The following NIM1K variants were observed in gnomAD, a reference collection of about 807,000 sequenced individuals.
The protein encoded by NIM1K is serine/threonine-protein kinase NIM1.
NIM1K carries 35 observed loss-of-function variants against 37.1 expected under a neutral mutation model. The observed-to-expected ratio is 0.94, with a 90% CI of 0.72 to 1.25. The LOEUF (loss-of-function observed/expected upper bound fraction) is 1.25, where lower values mean the gene tolerates loss of function less well. NIM1K is among the 50% of genes most tolerant of loss of function. The probability of loss-of-function intolerance (pLI) is 0.00; values close to 1 mark genes in which losing one functional copy is unlikely to be tolerated. For missense variants in NIM1K, 564 were observed against 548.0 expected, an observed-to-expected ratio of 1.03 and a Z score of -0.29; for synonymous variants, 234 against 206.6, an observed-to-expected ratio of 1.13 and a Z score of -1.14.
intron 1 of NIM1K, among the ~76,000 whole-genome samples, chr5:43,217,718 T>A (rs1257497297): frequency 6.8e-6 from 1 of 146,994 alleles, no homozygotes; most frequent in Non-Finnish European, 1.5e-5. Context: ...ATTTTTTTTT[T>A]TTTTTTTTTT....
chr5:43,240,044 A>C (rs1480272997), intron 1 of NIM1K, among the ~76,000 whole-genome samples: 1 of 151,968 alleles, frequency 6.6e-6, no homozygotes, highest in African/African-American at 2.4e-5. Context: ...CAACACATTA[A>C]ATATTTTTAA....
At chr5:43,220,786 A>T (rs200313989) in intron 1 of NIM1K, among the ~76,000 whole-genome samples, 1 of 152,224 alleles carries the variant, frequency 6.6e-6, no homozygotes, top group East Asian at 1.9e-4. Context: ...TGTGTATTAC[A>T]TCTGTATATG....
chr5:43,249,477 T>A (rs1003252337), intron 2 of NIM1K, among the ~76,000 whole-genome samples: 2 of 152,216 alleles, frequency 1.3e-5, no homozygotes, highest in Non-Finnish European at 2.9e-5. Context: ...TTCAGTCAAT[T>A]TGACACATAA....
rs780509670 is a variant in NIM1K, at chr5:43,280,515, T to G, written c.1097T>G (p.Ile366Ser). 1 of 1,614,180 alleles carries G rather than the reference T, an allele frequency of 6.2e-7. No homozygotes were observed. Among genetic ancestry groups the G allele is most frequent in the Non-Finnish European group, 8.5e-7 (1 of 1,180,030 alleles). The change falls in exon 4 of 4, where the codon ATT (isoleucine) becomes AGT (serine). Residue 366 changes from isoleucine (I) to serine (S), a missense_variant. Coordinates refer to ENST00000326035, the MANE Select transcript of NIM1K (RefSeq NM_153361.4). The stretch of plus-strand genomic sequence containing the variant: ...AAAAGCACTTTAGAACATTTGGGCA[T>G]TACAGAAGAGCATATTCGAAATAAC... ...EVKSTLEHLG[I>S]TEEHIRNNQG...
At position 43,280,799 on chromosome 5, in the gene NIM1K, T is replaced by C; in HGVS notation, c.*70T>C. 1 of 1,375,552 alleles carries C rather than the reference T, an allele frequency of 7.3e-7. No homozygotes were observed. Among genetic ancestry groups the C allele is most frequent in the South Asian group, 1.7e-5 (1 of 59,000 alleles). 85.2% of individuals were successfully genotyped at this position (1,375,552 alleles called of 1,614,324 possible). On this transcript the variant is annotated 3_prime_UTR_variant, in exon 4 of 4. Transcript: ENST00000326035. ...TTCTAAATTTTTTTCAAGGACAACT[T>C]GAGTGGAGACATTTTTGTAATTTTT... is the stretch of plus-strand genomic sequence containing the variant.
intron 1 of NIM1K, chr5:43,232,278 C>T: frequency 6.2e-6 from 7 of 1,126,870 alleles, no homozygotes; most frequent in Non-Finnish European, 9.4e-6. Context: ...ATCTGGTTGG[C>T]AGGCTGAAAG....
At chr5:43,260,689 C>T (rs1174301560) in intron 2 of NIM1K, among the ~76,000 whole-genome samples, 2 of 151,852 alleles carry the variant, frequency 1.3e-5, no homozygotes, top group African/African-American at 4.8e-5. Context: ...TATACATGTG[C>T]CATATTGGTG....
In NIM1K at chr5:43,245,679, C is replaced by A; in HGVS notation, c.-97C>A. On this transcript the variant is annotated 5_prime_UTR_variant, in exon 2 of 4. The change creates a new upstream start codon in the 5' untranslated region. Transcript: ENST00000326035. The stretch of plus-strand genomic sequence containing the variant: ...GAAAACTCTTTTGAACCCTGGGCAC[C>A]TGCTGTCCTCAGTTGGCATCTCCCA... 8.3e-7 allele frequency: 1 copy of A among 1,207,692 alleles called. No homozygotes were observed. The highest frequency in any genetic ancestry group is 1.2e-6 in the Non-Finnish European group (1 of 865,982). 74.8% of individuals were successfully genotyped at this position (1,207,692 alleles called of 1,614,324 possible). A position where few individuals can be genotyped will look rare whatever the true frequency, so the allele number is the denominator to read the frequency against.
chr5:43,227,233 G>A (rs566267642), intron 1 of NIM1K, among the ~76,000 whole-genome samples: 1 of 152,196 alleles, frequency 6.6e-6, no homozygotes, highest in East Asian at 1.9e-4. Context: ...GGTGGCGCAT[G>A]CTGGTAATCC....
At chr5:43,278,726 A>T (rs1414254013) in intron 3 of NIM1K, among the ~76,000 whole-genome samples, 1 of 152,246 alleles carries the variant, frequency 6.6e-6, no homozygotes, top group Non-Finnish European at 1.5e-5. Context: ...CAGATAAAAC[A>T]GTCCATGCTA....
At chr5:43,220,004 C>T (rs566560086) in intron 1 of NIM1K, among the ~76,000 whole-genome samples, 3 of 152,302 alleles carry the variant, frequency 2.0e-5, no homozygotes, top group Admixed American at 6.5e-5. Context: ...GGATTACAGG[C>T]GTGAGCCACC....
intron 1 of NIM1K, among the ~76,000 whole-genome samples, chr5:43,244,050 C>T (rs754760510): frequency 1.3e-5 from 2 of 152,192 alleles, no homozygotes; most frequent in Non-Finnish European, 2.9e-5. Context: ...TGGGCATCAA[C>T]CTCCTCTTTA....
In NIM1K at chr5:43,280,324, C is replaced by T. The variant is rs755065978; in HGVS notation, c.906C>T (p.Ile302=). Residue 302 remains isoleucine, a synonymous_variant, in exon 4 of 4, where the codon ATC becomes ATT. Coordinates refer to ENST00000326035, the MANE Select transcript of NIM1K (RefSeq NM_153361.4). ...TGTCAGAGCCCTGCCACCGACTCAT[C>T]CGAGGAGTCCTTCAGCAGATCCCCA... The part of the protein sequence containing the change: ...PHVSEPCHRL[I]RGVLQQIPTE... 2 of 1,614,028 alleles carry T rather than the reference C, an allele frequency of 1.2e-6. No individual in the cohort carries two copies. Among genetic ancestry groups the T allele is most frequent in the African/African-American group, 2.7e-5 (2 of 74,920 alleles).
intron 1 of NIM1K, among the ~76,000 whole-genome samples, chr5:43,229,702 T>C (rs1372292921): frequency 1.3e-5 from 2 of 150,490 alleles, no homozygotes; most frequent in Admixed American, 1.3e-4. Flanking sequence ...AGTGGCACCA[T>C]CTCAGCTCAC....
intron 1 of NIM1K, among the ~76,000 whole-genome samples, chr5:43,224,740 A>G (rs1752428992): frequency 7.1e-6 from 1 of 140,530 alleles, no homozygotes; most frequent in Admixed American, 7.6e-5. Context: ...TCTGTCACCC[A>G]GGCTTGGGGG....
intron 1 of NIM1K, among the ~76,000 whole-genome samples, chr5:43,220,733 G>A (rs1752369452): frequency 6.6e-6 from 1 of 152,020 alleles, no homozygotes; most frequent in African/African-American, 2.4e-5. Context: ...TTATTCCTTT[G>A]CAGCTCCATT....
chr5:43,265,552 A>T (rs756656681), intron 2 of NIM1K, among the ~76,000 whole-genome samples: 10 of 152,070 alleles, frequency 6.6e-5, no homozygotes, highest in African/African-American at 1.9e-4. Flanking sequence ...CTTCTTTGAG[A>T]TGGGTTCGAA....
chr5:43,206,175 A>C (rs748618739), intron 1 of NIM1K, among the ~76,000 whole-genome samples: 8 of 152,154 alleles, frequency 5.3e-5, no homozygotes, highest in Non-Finnish European at 1.2e-4. Context: ...AAGTGTGAGC[A>C]GAGTTCAGTG....
At chr5:43,234,557 G>A (rs1752590175) in intron 1 of NIM1K, among the ~76,000 whole-genome samples, 1 of 152,086 alleles carries the variant, frequency 6.6e-6, no homozygotes, top group Non-Finnish European at 1.5e-5. Flanking sequence ...GGGAAGCTGA[G>A]GTGGGCAGAT....
Sources: allele counts gnomAD v4.1 joint callset (sites outside exome capture counted in the v4.1 genomes callset), GRCh38; gene constraint gnomAD v4.1.1; transcripts MANE v1.5; gene names NCBI Gene and HGNC (gene_info 2026-07-23, HGNC 2026-07-21).